XAF1: variants seen among roughly 807,000 people sequenced by gnomAD.
XAF1 encodes the protein XIAP associated factor 1, also known as XIAP-associated factor 1.
A neutral mutation model predicts 32.3 loss-of-function variants in XAF1; 32 were observed. The observed-to-expected ratio is 0.99, with a 90% CI of 0.75 to 1.33. The LOEUF (loss-of-function observed/expected upper bound fraction) is 1.33, where lower values mean the gene tolerates loss of function less well. Ranked by LOEUF, XAF1 falls within the 40% of genes most tolerant of loss-of-function variation. XAF1 has a pLI of 0.00. For synonymous variants in XAF1, 120 were observed against 125.9 expected, an observed-to-expected ratio of 0.95 and a Z score of 0.31; for missense variants, 379 against 366.0, an observed-to-expected ratio of 1.04 and a Z score of -0.29.
At chr17:6,764,580 A>G (rs1975453056) in intron 5 of XAF1, among the ~76,000 whole-genome samples, 1 of 152,078 alleles carries the variant, frequency 6.6e-6, no homozygotes, top group Non-Finnish European at 1.5e-5. Context: ...TTTTTTTTTA[A>G]TTTTGAAAAT....
chr17:6,765,900 A>G (rs557461371), intron 5 of XAF1, among the ~76,000 whole-genome samples: 1 of 152,126 alleles, frequency 6.6e-6, no homozygotes, highest in African/African-American at 2.4e-5. Flanking sequence ...TTTTATGCAA[A>G]CTCAAAACTA....
At chr17:6,761,158 A>C (rs1975176635) in intron 4 of XAF1, among the ~76,000 whole-genome samples, 1 of 152,066 alleles carries the variant, frequency 6.6e-6, no homozygotes, top group East Asian at 1.9e-4. Context: ...CTGTCTCAAA[A>C]AAAAAAGGGG....
chr17:6,771,001 C>T lies in XAF1; in HGVS notation c.849+17C>T, dbSNP rs28604476. On this transcript the variant is annotated intron_variant, in intron 6 of 6. Coordinates refer to ENST00000361842, the MANE Select transcript of XAF1 (RefSeq NM_017523.5). ...CAACATCAGGTACTCAGCCTCTGTT[C>T]TCTGCTTACCTTTCTGGGAACCATC... 4,823 of 1,612,178 alleles carry T rather than the reference C, an allele frequency of 3.0e-3. 137 individuals carry two copies. In the African/African-American group the frequency reaches 0.058, roughly 19 times the overall value.
At chr17:6,765,429 A>G (rs1431030896) in intron 5 of XAF1, among the ~76,000 whole-genome samples, 2 of 152,180 alleles carry the variant, frequency 1.3e-5, no homozygotes. Flanking sequence ...TAGATAAATA[A>G]ATAAAAATTT....
intron 5 of XAF1, among the ~76,000 whole-genome samples, chr17:6,768,314 G>A (rs1261718018): frequency 6.6e-6 from 1 of 151,844 alleles, no homozygotes; most frequent in Admixed American, 6.6e-5. Context: ...AGTAGAGATG[G>A]GCTTTTCCAT....
chr17:6,763,611 C>T (rs1187142699), intron 5 of XAF1, among the ~76,000 whole-genome samples: 2 of 151,956 alleles, frequency 1.3e-5, no homozygotes, highest in African/African-American at 4.8e-5. Flanking sequence ...GGCCTTTTTA[C>T]GGTCATCCCA....
At chr17:6,765,209 C>G (rs939788095) in intron 5 of XAF1, among the ~76,000 whole-genome samples, 1 of 152,058 alleles carries the variant, frequency 6.6e-6, no homozygotes, top group Non-Finnish European at 1.5e-5. Flanking sequence ...GTCAGGAGAT[C>G]GAGACCAACC....
chr17:6,764,142 C>T (rs566701039), intron 5 of XAF1, among the ~76,000 whole-genome samples: 110 of 152,324 alleles, frequency 7.2e-4, no homozygotes, highest in Non-Finnish European at 1.3e-3. Context: ...GCTGTGTAAC[C>T]TCTCTGAGCT....
chr17:6,764,705 G>A (rs1311753951), intron 5 of XAF1, among the ~76,000 whole-genome samples: 3 of 152,002 alleles, frequency 2.0e-5, no homozygotes, highest in African/African-American at 7.3e-5. Flanking sequence ...TTTCCTATAA[G>A]CTACCATCTT....
chr17:6,770,699 A>G lies in XAF1; in HGVS notation c.564A>G (p.Glu188=), dbSNP rs778052611. ...FKKHFPVGNP[E]ILPSSLPSQA... Reference sequence around the variant, plus strand: ...AACACTTTCCTGTTGGAAATCCAGAAATTCTTCCTTCATCTCTTCCAAGTC... The same window carrying G: ...AACACTTTCCTGTTGGAAATCCAGAGATTCTTCCTTCATCTCTTCCAAGTC... Residue 188 remains glutamate, a synonymous_variant, in exon 6 of 7, where the codon GAA becomes GAG. Coordinates refer to ENST00000361842, the MANE Select transcript of XAF1 (RefSeq NM_017523.5). 1 of 1,610,582 alleles carries G rather than the reference A, an allele frequency of 6.2e-7. No individual in the cohort carries two copies.
intron 5 of XAF1, among the ~76,000 whole-genome samples, chr17:6,762,750 A>T (rs1381471377): frequency 6.6e-6 from 1 of 152,202 alleles, no homozygotes. Flanking sequence ...CATAGCCCCT[A>T]AGCGCCGTTT....
At chr17:6,763,653 C>A (rs567818809) in intron 5 of XAF1, among the ~76,000 whole-genome samples, 1 of 152,114 alleles carries the variant, frequency 6.6e-6, no homozygotes, top group South Asian at 2.1e-4. Context: ...GGTAAACATT[C>A]GGATTGTTTC....
chr17:6,759,045 C>A (rs776973902), intron 2 of XAF1: 14 of 706,616 alleles, frequency 2.0e-5, no homozygotes, highest in Middle Eastern at 3.2e-4. Context: ...CTCCAGTCCT[C>A]CCTGCAGGAG....
chr17:6,765,773 C>T (rs1975574360), intron 5 of XAF1, among the ~76,000 whole-genome samples: 1 of 152,216 alleles, frequency 6.6e-6, no homozygotes, highest in Non-Finnish European at 1.5e-5. Flanking sequence ...GGTCTTCCTA[C>T]TTCTCACCTT....
rs762788303 is a variant in XAF1, at chr17:6,775,200, T to C, written c.*2031T>C. 2.6e-5 allele frequency: 4 copies of C among 152,166 alleles called. No individual in the cohort carries two copies. Among genetic ancestry groups the C allele is most frequent in the Admixed American group, 2.0e-4 (3 of 15,264 alleles). The allele number at this position is 152,166 out of a possible 1,614,324, so 9.4% of individuals were successfully genotyped here. On this transcript the variant is annotated 3_prime_UTR_variant, in exon 7 of 7. Transcript: ENST00000361842. Reference sequence around the variant, plus strand: ...ACAGAAAACCAAATACCACATGTTCTCACTTATAAGTAGAAGCTAAACATT... The same window carrying C: ...ACAGAAAACCAAATACCACATGTTCCCACTTATAAGTAGAAGCTAAACATT...
In XAF1 at chr17:6,770,708, T is replaced by A; in HGVS notation, c.573T>A (p.Pro191=). Residue 191 remains proline (P), a synonymous_variant, in exon 6 of 7, where the codon CCT becomes CCA. Transcript: ENST00000361842. ...HFPVGNPEIL[P]SSLPSQAAEN... ...CTGTTGGAAATCCAGAAATTCTTCC[T>A]TCATCTCTTCCAAGTCAAGCTGCTG... The A allele has an allele frequency of 1.2e-6, 2 of 1,612,452 alleles. No homozygotes were observed. The highest frequency in any genetic ancestry group is 1.7e-6 in the Non-Finnish European group (2 of 1,179,642).
At chr17:6,755,802 G>C, upstream of XAF1, 1 of 1,288,406 alleles carries the variant, frequency 7.8e-7, no homozygotes, top group East Asian at 3.5e-5. Context: ...GTGCTGCCCA[G>C]GAGAGGCCTG....
chr17:6,759,324 A>G, intron 2 of XAF1: 1 of 1,284,748 alleles, frequency 7.8e-7, no homozygotes, highest in Non-Finnish European at 9.8e-7. Flanking sequence ...TGAGATCTGT[A>G]AAGAGAGGAT....
chr17:6,764,753 A>C (rs1975466919), intron 5 of XAF1, among the ~76,000 whole-genome samples: 2 of 152,186 alleles, frequency 1.3e-5, no homozygotes, highest in African/African-American at 4.8e-5. Flanking sequence ...CATTTGAGCT[A>C]GTTGTCTATA....
Sources: allele counts gnomAD v4.1 joint callset (sites outside exome capture counted in the v4.1 genomes callset), GRCh38; gene constraint gnomAD v4.1.1; transcripts MANE v1.5; gene names NCBI Gene and HGNC (gene_info 2026-07-23, HGNC 2026-07-21).